WDFY1: variants seen among roughly 807,000 people sequenced by gnomAD.
WDFY1 encodes the protein WD repeat and FYVE domain-containing protein 1.
WDFY1 carries 32 observed loss-of-function variants against 56.4 expected under a neutral mutation model. That is an observed-to-expected ratio of 0.57 (90% CI 0.43 to 0.76). The LOEUF (loss-of-function observed/expected upper bound fraction) is 0.76. WDFY1 is among the 30% of genes least tolerant of loss of function. The pLI, the probability that WDFY1 is intolerant of heterozygous loss-of-function variation, is 0.00. For missense variants in WDFY1, 480 were observed against 545.7 expected (o/e 0.88, Z 1.20); for synonymous variants, 192 against 197.3 (o/e 0.97, Z 0.23).
At chr2:223,923,349 T>C (rs898345011) in intron 1 of WDFY1, among the ~76,000 whole-genome samples, 122 of 152,216 alleles carry the variant, frequency 8.0e-4, no homozygotes, top group African/African-American at 2.9e-3. Flanking sequence ...GTTGGGCCAC[T>C]TATTTAAAAT....
intron 2 of WDFY1, among the ~76,000 whole-genome samples, chr2:223,915,671 A>T (rs1693775607): frequency 6.6e-6 from 1 of 152,232 alleles, no homozygotes; most frequent in Non-Finnish European, 1.5e-5. Flanking sequence ...AATGATGACA[A>T]AACATTTCCC....
intron 1 of WDFY1, among the ~76,000 whole-genome samples, chr2:223,924,957 C>T (rs1693953677): frequency 6.6e-6 from 1 of 151,978 alleles, no homozygotes; most frequent in African/African-American, 2.4e-5. Flanking sequence ...GACAACAACA[C>T]TAATGATAAA....
chr2:223,889,044 C>T (rs1448021987), intron 8 of WDFY1, among the ~76,000 whole-genome samples: 1 of 151,508 alleles, frequency 6.6e-6, no homozygotes, highest in African/African-American at 2.4e-5. Flanking sequence ...GCTGAGATTA[C>T]AGGTGTCTGC....
intron 2 of WDFY1, among the ~76,000 whole-genome samples, chr2:223,912,878 G>C (rs1693728114): frequency 6.6e-6 from 1 of 152,080 alleles, no homozygotes; most frequent in South Asian, 2.1e-4. Flanking sequence ...GCTAGAGAAT[G>C]AGTTTCAGAA....
intron 2 of WDFY1, among the ~76,000 whole-genome samples, chr2:223,912,731 A>ATTCTATG (rs1693726256): frequency 6.6e-6 from 1 of 152,168 alleles, no homozygotes; most frequent in Non-Finnish European, 1.5e-5. Flanking sequence ...ATGGGTTCCC[A>ATTCTATG]GCACCAGAAT....
At chr2:223,904,119 C>T (rs756749518) in intron 4 of WDFY1, among the ~76,000 whole-genome samples, 6 of 152,190 alleles carry the variant, frequency 3.9e-5, no homozygotes, top group Non-Finnish European at 5.9e-5. Context: ...GTTATAATAA[C>T]ACCATAATGC....
chr2:223,943,374 C>A (rs1394086087), intron 1 of WDFY1, among the ~76,000 whole-genome samples: 3 of 152,084 alleles, frequency 2.0e-5, no homozygotes, highest in African/African-American at 7.2e-5. Context: ...CCACTGCCTG[C>A]TCACAATCAG....
intron 8 of WDFY1, 123 bp downstream of exon 8, chr2:223,894,111 A>C: frequency 1.2e-6 from 1 of 844,974 alleles, no homozygotes; most frequent in Non-Finnish European, 1.9e-6. Flanking sequence ...CCATTAGCAG[A>C]AGGGGAAGCT....
At chr2:223,882,728 TA>T (rs529447511) in intron 9 of WDFY1, among the ~76,000 whole-genome samples, 90 of 28,058 alleles carry the variant, frequency 3.2e-3, no homozygotes, top group Non-Finnish European at 7.8e-3. Context: ...GCATTATTAT[TA>T]TTTTTTTTTT....
chr2:223,885,013 T>C (rs1049024492), intron 8 of WDFY1, among the ~76,000 whole-genome samples: 2 of 151,894 alleles, frequency 1.3e-5, no homozygotes, highest in African/African-American at 2.4e-5. Flanking sequence ...GGCTAATTTC[T>C]GTATTTTTAG....
intron 1 of WDFY1, among the ~76,000 whole-genome samples, chr2:223,929,346 C>T (rs1487710120): frequency 6.6e-6 from 1 of 151,988 alleles, no homozygotes; most frequent in African/African-American, 2.4e-5. Context: ...CACCACCATG[C>T]CCAGCTAATT....
chr2:223,941,533 G>C (rs758942596), intron 1 of WDFY1, among the ~76,000 whole-genome samples: 3 of 151,994 alleles, frequency 2.0e-5, no homozygotes, highest in Admixed American at 6.6e-5. Flanking sequence ...CCCAAACCCC[G>C]GCCCCAGCCC....
intron 1 of WDFY1, among the ~76,000 whole-genome samples, chr2:223,936,766 CTTCT>C (rs1355049068): frequency 6.6e-6 from 1 of 152,230 alleles, no homozygotes; most frequent in Non-Finnish European, 1.5e-5. Context: ...ACCTACCTTC[CTTCT>C]GAGAGTTTGG....
At chr2:223,945,108 T>A (rs1256837229) in intron 1 of WDFY1, 40 bp downstream of exon 1, 7 of 1,549,648 alleles carry the variant, frequency 4.5e-6, no homozygotes, top group Non-Finnish European at 6.1e-6. Flanking sequence ...CACCCCGTCG[T>A]CGCGGAGTTC....
Position 223,882,008 on chromosome 2 carries a change from G to C in WDFY1, c.998C>G (p.Pro333Arg), listed in dbSNP as rs1693081449. Reference sequence around the variant, plus strand: ...GACTTGGAACTCGAAGCCCATGACTGGGTAACTTGAGCGCTTGCTGCTGCA... The same window carrying C: ...GACTTGGAACTCGAAGCCCATGACTCGGTAACTTGAGCGCTTGCTGCTGCA... ...GKCSSKRSSYPVMGFEFQVRV... is the reference protein window; with the variant it reads ...GKCSSKRSSYRVMGFEFQVRV... Residue 333 changes from proline to arginine, a missense_variant, in exon 10 of 12, where the codon CCA (proline) becomes CGA (arginine). By Grantham distance (103) the Pro-to-Arg change is moderately radical. Transcript: ENST00000233055. 1 of 1,614,096 alleles carries C rather than the reference G, an allele frequency of 6.2e-7. No individual in the cohort carries two copies. The highest frequency in any genetic ancestry group is 8.5e-7 in the Non-Finnish European group (1 of 1,179,952).
intron 5 of WDFY1, among the ~76,000 whole-genome samples, chr2:223,899,793 C>T (rs1382031337): frequency 1.3e-5 from 2 of 151,996 alleles, no homozygotes; most frequent in African/African-American, 4.8e-5. Flanking sequence ...AAATTGCTAA[C>T]TACTGAAAAC....
intron 1 of WDFY1, among the ~76,000 whole-genome samples, chr2:223,934,977 G>A (rs926604603): frequency 6.6e-6 from 1 of 152,178 alleles, no homozygotes; most frequent in Non-Finnish European, 1.5e-5. Flanking sequence ...CGCACAAGAA[G>A]TCCTAATGGA....
At chr2:223,917,161 T>G (rs1302300609) in intron 2 of WDFY1, among the ~76,000 whole-genome samples, 4 of 152,120 alleles carry the variant, frequency 2.6e-5, no homozygotes, top group Non-Finnish European at 5.9e-5. Context: ...TCGTCCAGAT[T>G]TATTTATAGA....
intron 1 of WDFY1, among the ~76,000 whole-genome samples, chr2:223,928,238 G>A (rs1207645736): frequency 2.0e-5 from 3 of 152,178 alleles, no homozygotes. Context: ...CTGGTGCATG[G>A]TTGCCATAAA....
Sources: gnomAD v4.1 joint callset for allele counts (sites outside exome capture counted in the v4.1 genomes callset) on GRCh38, gnomAD v4.1.1 for gene constraint, MANE v1.5 for transcripts, NCBI Gene and HGNC (gene_info 2026-07-23, HGNC 2026-07-21) for gene names.